The following DNER variants were observed in gnomAD, a reference collection of about 807,000 sequenced individuals.
DNER encodes delta and Notch-like epidermal growth factor-related receptor.
Under a neutral mutation model 78.2 loss-of-function variants are expected in DNER, and 33 were observed. That is an observed-to-expected ratio of 0.42 (90% CI 0.32 to 0.56). DNER has a LOEUF of 0.56. Among genes scored for constraint, DNER ranks in the 20% least tolerant of loss-of-function variants. The pLI is 0.11. For missense variants in DNER, 918 were observed against 975.3 expected (o/e 0.94, Z 0.78); for synonymous variants, 417 against 384.8 (o/e 1.08, Z -0.98).
At chr2:229,405,714 C>A (rs986675243) in intron 10 of DNER, among the ~76,000 whole-genome samples, 2 of 152,132 alleles carry the variant, frequency 1.3e-5, no homozygotes, top group African/African-American at 4.8e-5. Context: ...ACACTATATA[C>A]TACACACACA....
At chr2:229,425,198 A>G (rs1238017920) in intron 8 of DNER, among the ~76,000 whole-genome samples, 1 of 152,090 alleles carries the variant, frequency 6.6e-6, no homozygotes, top group Non-Finnish European at 1.5e-5. Context: ...GGCCCTGGGT[A>G]TATCTGGGAC....
intron 11 of DNER, among the ~76,000 whole-genome samples, chr2:229,387,700 C>T (rs928114365): frequency 1.3e-5 from 2 of 152,244 alleles, no homozygotes; most frequent in Non-Finnish European, 2.9e-5. Context: ...ATTTATCAAA[C>T]TTCTATTAGT....
intron 1 of DNER, among the ~76,000 whole-genome samples, chr2:229,592,615 G>A (rs1334502629): frequency 2.0e-5 from 3 of 152,164 alleles, no homozygotes; most frequent in Non-Finnish European, 4.4e-5. Context: ...CTCATGGTCT[G>A]GGGAAAGTGT....
At chr2:229,578,975 C>G (rs1697348376) in intron 4 of DNER, among the ~76,000 whole-genome samples, 1 of 152,156 alleles carries the variant, frequency 6.6e-6, no homozygotes, top group Non-Finnish European at 1.5e-5. Flanking sequence ...GTGTTCATAT[C>G]CAAGATGAGA....
rs1697485811 is a variant in DNER at position 229,585,896 on chromosome 2, A to G, written c.809T>C (p.Leu270Pro). Residue 270 changes from leucine to proline, a missense_variant, in exon 4 of 13, where the codon CTG becomes CCG. By Grantham distance (98) the Leu-to-Pro change is moderately conservative. Transcript: ENST00000341772. The stretch of plus-strand genomic sequence containing the variant: ...ATTCCCCAAGGCGAGCATCTCCTCC[A>G]GGAGGACCAGTCCCCCTGAAGCCTG... ...PLQASGGLVL[L>P]EEMLALGNNH... 2 of 1,613,996 alleles carry G rather than the reference A, an allele frequency of 1.2e-6. No individual in the cohort carries two copies. The highest frequency in any genetic ancestry group is 1.1e-5 in the South Asian group (1 of 91,082).
intron 12 of DNER, among the ~76,000 whole-genome samples, chr2:229,361,690 A>G (rs1422067914): frequency 6.6e-6 from 1 of 152,060 alleles, no homozygotes. Context: ...CCTTCCATTC[A>G]TTTTACAAAT....
intron 1 of DNER, among the ~76,000 whole-genome samples, chr2:229,646,180 T>C (rs915446206): frequency 1.3e-5 from 2 of 152,228 alleles, no homozygotes; most frequent in African/African-American, 4.8e-5. Flanking sequence ...CCGGTAATCC[T>C]GTCCCGAGTG....
At chr2:229,403,171 C>A (rs76299479) in intron 10 of DNER, among the ~76,000 whole-genome samples, 9,853 of 152,208 alleles carry the variant, frequency 0.065, 370 homozygotes, top group Middle Eastern at 0.085. Flanking sequence ...CAGTAGCTGG[C>A]CAAGTGTAAC....
At chr2:229,651,802 CAG>C (rs1383411517) in intron 1 of DNER, among the ~76,000 whole-genome samples, 2 of 152,194 alleles carry the variant, frequency 1.3e-5, no homozygotes, top group Non-Finnish European at 2.9e-5. Flanking sequence ...AGCAATCAAA[CAG>C]AGTCTAGACA....
rs758825845 is a variant in DNER at position 229,418,131 on chromosome 2, C to A, written c.1586G>T (p.Cys529Phe). The change falls in exon 9 of 13, where the codon TGT becomes TTT. Residue 529 changes from cysteine to phenylalanine, a missense_variant. Transcript: ENST00000341772. ...ACCTTTGTATTCTGCCAGGCACACA[C>A]ACTCATAGCCATTAACGAGGTCCCT... ...TCRDLVNGYE[C>F]VCLAEYKGTH... is the part of the protein sequence containing the mutation. The A allele has an allele frequency of 1.2e-6, 2 of 1,614,078 alleles. No homozygotes were observed.
At chr2:229,447,867 T>G (rs1009363523) in intron 7 of DNER, among the ~76,000 whole-genome samples, 5 of 152,122 alleles carry the variant, frequency 3.3e-5, no homozygotes, top group Non-Finnish European at 7.3e-5. Context: ...CAAAAATAAA[T>G]TAATGGTAAT....
intron 7 of DNER, among the ~76,000 whole-genome samples, chr2:229,449,874 TC>T (rs1694419618): frequency 6.6e-6 from 1 of 152,170 alleles, no homozygotes; most frequent in Admixed American, 6.5e-5. Flanking sequence ...ACCTCTGCCT[TC>T]GGGTCAAGCG....
chr2:229,534,098 T>C (rs562752649), intron 5 of DNER, among the ~76,000 whole-genome samples: 39 of 152,318 alleles, frequency 2.6e-4, no homozygotes, highest in Non-Finnish European at 5.3e-4. Flanking sequence ...TAATAGATGG[T>C]AATGGAACAG....
At chr2:229,490,729 T>C (rs1450893964) in intron 6 of DNER, among the ~76,000 whole-genome samples, 1 of 152,116 alleles carries the variant, frequency 6.6e-6, no homozygotes, top group African/African-American at 2.4e-5. Flanking sequence ...GGTATGTGGA[T>C]TGTATCTCAA....
rs945893525 is a variant in DNER, at chr2:229,523,793, G to C, written c.994-10857C>G. On this transcript the variant is annotated intron_variant, in intron 5 of 12. Transcript: ENST00000341772. ...CTGTATTCAGCCTCTTATCCTAGAC[G>C]GTGCACAATATTCCTTGAACAATTG... is the stretch of plus-strand genomic sequence containing the variant. Among the ~76,000 whole-genome samples, 6 of 152,280 alleles carry C rather than the reference G, an allele frequency of 3.9e-5. No homozygotes were observed. In the East Asian group the frequency reaches 1.2e-3, roughly 29 times the overall value.
At chr2:229,486,055 C>T (rs1356067552) in intron 6 of DNER, among the ~76,000 whole-genome samples, 2 of 152,136 alleles carry the variant, frequency 1.3e-5, no homozygotes, top group East Asian at 3.9e-4. Context: ...GGGATCTGAG[C>T]AGCTGGTATC....
At chr2:229,570,500 G>A (rs575865799) in intron 4 of DNER, among the ~76,000 whole-genome samples, 5 of 152,122 alleles carry the variant, frequency 3.3e-5, no homozygotes, top group South Asian at 2.1e-4. Context: ...GGTGTTGGGC[G>A]CCTATAATCC....
chr2:229,452,195 G>C (rs1694472046), intron 7 of DNER, among the ~76,000 whole-genome samples: 1 of 152,170 alleles, frequency 6.6e-6, no homozygotes, highest in South Asian at 2.1e-4. Flanking sequence ...GAGACCGGAA[G>C]CATGAAACCA....
chr2:229,553,207 G>A (rs2154213395), intron 4 of DNER, among the ~76,000 whole-genome samples: 1 of 152,326 alleles, frequency 6.6e-6, no homozygotes, highest in Non-Finnish European at 1.5e-5. Context: ...TCCCTTTAGT[G>A]CCAGGGGATT....
Sources: gnomAD v4.1 joint callset for allele counts (sites outside exome capture counted in the v4.1 genomes callset) on GRCh38, gnomAD v4.1.1 for gene constraint, MANE v1.5 for transcripts, NCBI Gene and HGNC (gene_info 2026-07-23, HGNC 2026-07-21) for gene names.